The following AGXT variants were observed in gnomAD, a reference collection of about 807,000 sequenced individuals.
AGXT encodes the protein alanine--glyoxylate aminotransferase.
A neutral mutation model predicts 46.9 loss-of-function variants in AGXT; 41 were observed. The observed-to-expected ratio is 0.88, with a 90% CI of 0.68 to 1.14. The LOEUF (loss-of-function observed/expected upper bound fraction) is 1.14, where lower values mean the gene tolerates loss of function less well. Ranked by LOEUF, AGXT falls within the 50% of genes most tolerant of loss-of-function variation. AGXT has a pLI of 0.00. For synonymous variants in AGXT, 244 were observed against 227.9 expected (o/e 1.07, Z -0.64); for missense variants, 525 against 522.7 (o/e 1.00, Z -0.04).
Position 240,869,331 on chromosome 2 carries a change from G to A in AGXT, c.327G>A (p.Gly109=), listed in dbSNP as rs765087493. The A allele has an allele frequency of 2.5e-6, 4 of 1,607,830 alleles. No individual in the cohort carries two copies. The highest frequency in any genetic ancestry group is 2.6e-6 in the Non-Finnish European group (3 of 1,176,170). ...SFLVGANGIW[G]QRAVDIGERI... is the part of the protein sequence containing the mutation. ...TGGTTGGGGCCAATGGCATTTGGGG[G>A]CAGCGAGCCGTGGACATCGGGGAGC... Residue 109 remains glycine, a synonymous_variant, in exon 2 of 11, where the codon GGG becomes GGA. Transcript: ENST00000307503.
chr2:240,872,934 CCCTGCCTCA>C (rs1210840410), intron 4 of AGXT, 36 bp from the exon 5 acceptor site: 1 of 1,554,590 alleles, frequency 6.4e-7, no homozygotes, highest in Non-Finnish European at 8.9e-7. Context: ...TCCAGTGGCC[CCCTGCCTCA>C]CCTGCTGCCC....
intron 3 of AGXT, chr2:240,871,109 A>G: frequency 1.7e-6 from 1 of 601,050 alleles, no homozygotes; most frequent in Non-Finnish European, 3.0e-6. Flanking sequence ...CAGCCCTCAC[A>G]GGCCAGGCAA....
At chr2:240,873,828 C>T (rs1157857247) in intron 5 of AGXT, 150 bp from the exon 6 acceptor site, 2 of 763,684 alleles carry the variant, frequency 2.6e-6, no homozygotes, top group Non-Finnish European at 4.5e-6. Flanking sequence ...AGATTTGAAC[C>T]CAGGACTCCC....
At chr2:240,876,358 G>A (rs1191060175) in intron 8 of AGXT, among the ~76,000 whole-genome samples, 2 of 152,224 alleles carry the variant, frequency 1.3e-5, no homozygotes, top group Admixed American at 6.5e-5. Context: ...GATGTAAAGT[G>A]AGGGTTGGCA....
chr2:240,872,079 C>T (rs2058993702), intron 4 of AGXT, among the ~76,000 whole-genome samples: 1 of 152,244 alleles, frequency 6.6e-6, no homozygotes, highest in South Asian at 2.1e-4. Context: ...GCCATCCCCA[C>T]CTGCGGCCAG....
intron 8 of AGXT, among the ~76,000 whole-genome samples, chr2:240,876,344 C>T (rs1415290559): frequency 2.6e-5 from 4 of 152,246 alleles, no homozygotes; most frequent in South Asian, 4.1e-4. Flanking sequence ...GATAGGTGGG[C>T]GTGGATGTAA....
chr2:240,874,491 G>C (rs913388252), intron 6 of AGXT, among the ~76,000 whole-genome samples: 4 of 152,262 alleles, frequency 2.6e-5, no homozygotes, highest in Non-Finnish European at 5.9e-5. Context: ...GGCCGGGCAG[G>C]GGGTAGGGGA....
rs908988832 is a variant in AGXT at position 240,880,464 on chromosome 2, T to C, written c.*1643T>C. On this transcript the variant is annotated 3_prime_UTR_variant, in exon 11 of 11. Coordinates refer to ENST00000307503, the MANE Select transcript of AGXT (RefSeq NM_000030.3). ...TGGATTTTTATCTTCTTATTGTCAA[T>C]GTGTGATCATTTTAAAATATATTCT... 2.0e-5 allele frequency: 3 copies of C among 152,116 alleles called. No individual in the cohort carries two copies. Among genetic ancestry groups the C allele is most frequent in the Non-Finnish European group, 4.4e-5 (3 of 68,028 alleles). The allele number at this position is 152,116 out of a possible 1,614,324, so 9.4% of individuals were successfully genotyped here.
rs1200792230 is a variant in AGXT, at chr2:240,873,026, C to T, written c.572C>T (p.Thr191Ile). The T allele has an allele frequency of 2.5e-6, 4 of 1,613,698 alleles. No individual in the cohort carries two copies. The highest frequency in any genetic ancestry group is 2.2e-5 in the East Asian group (1 of 44,858). Residue 191 changes from threonine (T) to isoleucine (I), a missense_variant, in exon 5 of 11, where the codon ACC becomes ATC. Thr to Ile is a moderately conservative substitution (Grantham distance 89). Transcript: ENST00000307503. ...LVDSVASLGGTPLYMDRQGID... is the reference protein window; with the variant it reads ...LVDSVASLGGIPLYMDRQGID... ...GATTCGGTGGCATCCCTGGGCGGGA[C>T]CCCCCTTTACATGGACCGGCAAGGT...
Position 240,877,666 on chromosome 2 carries a change from C to A in AGXT, c.942+34C>A, listed in dbSNP as rs559312187. On this transcript the variant is annotated intron_variant, in intron 9 of 10. Transcript: ENST00000307503. ...GCCCCTGGCATTGGGCAGCCCTGCA[C>A]CCATGGGGAAGGATGAGGGGCTCTT... is the stretch of plus-strand genomic sequence containing the variant. The A allele has an allele frequency of 2.6e-6, 4 of 1,544,072 alleles. No individual in the cohort carries two copies. The Admixed American group carries it at 5.9e-5, about 23-fold the overall frequency.
chr2:240,876,134 G>T lies in AGXT; in HGVS notation c.846+130G>T, dbSNP rs572225026. 9.9e-4 allele frequency: 1,134 copies of T among 1,151,028 alleles called. 2 individuals carry two copies. Among genetic ancestry groups the T allele is most frequent in the Non-Finnish European group, 1.3e-3 (1,038 of 783,916 alleles). 71.3% of individuals were successfully genotyped at this position (1,151,028 alleles called of 1,614,324 possible). A position where few individuals can be genotyped will look rare whatever the true frequency, so the allele number is the denominator to read the frequency against. On this transcript the variant is annotated intron_variant, in intron 8 of 10. Transcript: ENST00000307503. ...CCTGCCAGAGAGAGGCCCTCAGTGG[G>T]GGTGGGGGAGAGAGGACAGGGCCCC...
At chr2:240,871,215 T>A (rs757794624) in intron 3 of AGXT, 134 bp from the exon 4 acceptor site, 2 of 762,466 alleles carry the variant, frequency 2.6e-6, no homozygotes, top group Non-Finnish European at 4.5e-6. Flanking sequence ...CCTCCTCCCA[T>A]GCACACCATC....
chr2:240,869,495 C>A (rs1482633537), intron 2 of AGXT, 133 bp downstream of exon 2: 12 of 1,097,258 alleles, frequency 1.1e-5, no homozygotes, highest in East Asian at 1.0e-4. Flanking sequence ...TGCGCACGAA[C>A]CTCCTGCCAG....
At chr2:240,876,131 TG>T in intron 8 of AGXT, 127 bp downstream of exon 8, 3 of 1,155,738 alleles carry the variant, frequency 2.6e-6, no homozygotes, top group South Asian at 1.3e-5. Flanking sequence ...AGGCCCTCAG[TG>T]GGGGTGGGGG....
intron 3 of AGXT, 59 bp from the exon 4 acceptor site, chr2:240,871,289 TG>T: frequency 4.9e-6 from 7 of 1,433,464 alleles, no homozygotes; most frequent in Non-Finnish European, 6.7e-6. Flanking sequence ...GGGGGGTTTG[TG>T]GGGGTGTTCT....
chr2:240,879,136 G>C lies in AGXT; in HGVS notation c.*315G>C. ...CTCTCCTCACTGTGTGGGGTGGTCT[G>C]TGAAAGAGTGAGAGGAGAGCATCTC... On this transcript the variant is annotated 3_prime_UTR_variant, in exon 11 of 11. Coordinates refer to ENST00000307503, the MANE Select transcript of AGXT (RefSeq NM_000030.3). 2.1e-6 allele frequency: 1 copy of C among 476,492 alleles called. No individual in the cohort carries two copies. The highest frequency in any genetic ancestry group is 3.9e-6 in the Non-Finnish European group (1 of 258,880). The allele number at this position is 476,492 out of a possible 1,614,324, so 29.5% of individuals were successfully genotyped here.
chr2:240,878,229 C>T, intron 10 of AGXT, 79 bp downstream of exon 10: 4 of 1,581,052 alleles, frequency 2.5e-6, no homozygotes, highest in Non-Finnish European at 3.4e-6. Context: ...GCACCAGGTG[C>T]AGGGGAGGCC....
At chr2:240,877,791 G>A (rs753034517) in intron 9 of AGXT, among the ~76,000 whole-genome samples, 159 bp downstream of exon 9, 14 of 152,196 alleles carry the variant, frequency 9.2e-5, no homozygotes, top group East Asian at 1.9e-4. Flanking sequence ...CAGGAGCCAC[G>A]AAGTCACAGC....
Position 240,871,103 on chromosome 2 carries a change from C to G in AGXT, c.424-246C>G, listed in dbSNP as rs2106428464. On this transcript the variant is annotated intron_variant, in intron 3 of 10. Transcript: ENST00000307503. ...GGGACTCAGTCCATCTAGCAACAGC[C>G]CTCACAGGCCAGGCAACAGGCTGGG... is the stretch of plus-strand genomic sequence containing the variant. The G allele has an allele frequency of 6.7e-6, 4 of 600,136 alleles. No individual in the cohort carries two copies. In the South Asian group the frequency reaches 7.8e-5, roughly 12 times the overall value. 37.2% of individuals were successfully genotyped at this position (600,136 alleles called of 1,614,324 possible).
Sources: allele counts gnomAD v4.1 joint callset (sites outside exome capture counted in the v4.1 genomes callset), GRCh38; gene constraint gnomAD v4.1.1; transcripts MANE v1.5; gene names NCBI Gene and HGNC (gene_info 2026-07-23, HGNC 2026-07-21).